Variants in PADI6 observed in about 807,000 individuals in gnomAD.
PADI6 encodes peptidyl arginine deiminase 6, also known as inactive protein-arginine deiminase type-6.
PADI6 carries 66 observed loss-of-function variants against 78.2 expected under a neutral mutation model. That is an observed-to-expected ratio of 0.84 (90% CI 0.69 to 1.04). The LOEUF (loss-of-function observed/expected upper bound fraction) is 1.04, where lower values mean the gene tolerates loss of function less well. Ranked by LOEUF, PADI6 falls within the 50% of genes least tolerant of loss-of-function variation. The pLI, the probability that PADI6 is intolerant of heterozygous loss-of-function variation, is 0.00. For missense variants in PADI6, 854 were observed against 866.1 expected (o/e 0.99, Z 0.18); for synonymous variants, 397 against 346.9 (o/e 1.14, Z -1.60).
intron 10 of PADI6, 77 bp from the exon 11 acceptor site, chr1:17,394,223 C>A: frequency 6.3e-7 from 1 of 1,578,434 alleles, no homozygotes; most frequent in South Asian, 1.1e-5. Context: ...TACCTGAGAG[C>A]CTGGATTTAG....
intron 15 of PADI6, among the ~76,000 whole-genome samples, chr1:17,399,719 C>A (rs2075282841): frequency 1.4e-5 from 2 of 145,548 alleles, no homozygotes; most frequent in Non-Finnish European, 3.0e-5. Flanking sequence ...ATAGTGAGAC[C>A]CTGCAACTTT....
In PADI6 at chr1:17,394,031, C is replaced by T. The variant is rs753200384; in HGVS notation, c.1131C>T (p.Leu377=). ...QAPHKTTSLI[L]DTPQAADLDE... is the part of the protein sequence containing the mutation. ...CCCACAAGACAACGTCCTTGATCCTCGACACACCTCAGGCCGCCGATCTCG... is the reference window on the plus strand; with the variant it reads ...CCCACAAGACAACGTCCTTGATCCTTGACACACCTCAGGCCGCCGATCTCG... Residue 377 remains leucine (L), a synonymous_variant, in exon 10 of 16, where the codon CTC becomes CTT. Transcript: ENST00000619609. 6 of 1,613,972 alleles carry T rather than the reference C, an allele frequency of 3.7e-6. No individual in the cohort carries two copies. The South Asian group carries it at 4.4e-5, about 12-fold the overall frequency.
intron 6 of PADI6, among the ~76,000 whole-genome samples, chr1:17,387,350 T>C (rs2265027): frequency 0.3 from 45,274 of 151,180 alleles, 7,071 homozygotes; most frequent in Middle Eastern, 0.41. Context: ...GAAGCTGAGG[T>C]ACAAGAATTG....
chr1:17,397,577 C>T (rs916300934), intron 14 of PADI6, among the ~76,000 whole-genome samples: 3 of 152,178 alleles, frequency 2.0e-5, no homozygotes, highest in African/African-American at 4.8e-5. Flanking sequence ...TTCCCCCAAG[C>T]TGGGAAAGCC....
chr1:17,398,212 A>G (rs2075265288), intron 14 of PADI6, among the ~76,000 whole-genome samples: 1 of 152,200 alleles, frequency 6.6e-6, no homozygotes. Context: ...CCTGTTTTGC[A>G]AGAACAGCCC....
Position 17,392,120 on chromosome 1 carries a change from G to A in PADI6, c.969G>A (p.Leu323=). 1 of 1,556,080 alleles carries A rather than the reference G, an allele frequency of 6.4e-7. No individual in the cohort carries two copies. The highest frequency in any genetic ancestry group is 8.7e-7 in the Non-Finnish European group (1 of 1,149,666). Residue 323 remains leucine, a synonymous_variant, in exon 9 of 16, where the codon CTG becomes CTA. Coordinates refer to ENST00000619609, the MANE Select transcript of PADI6 (RefSeq NM_207421.4). ...GGCTTCTCTCCCATGGCAGGGAGCT[G>A]CAGCTGCAGGGTTTTGTGGACACAG... ...VPLEVYLCRE[L]QLQGFVDTVT...
At chr1:17,376,677 C>T (rs181515608) in intron 3 of PADI6, among the ~76,000 whole-genome samples, 48 of 152,044 alleles carry the variant, frequency 3.2e-4, no homozygotes, top group African/African-American at 9.4e-4. Flanking sequence ...GGATTACAGG[C>T]GTGAGCCACT....
chr1:17,396,249 G>T (rs2075246319), intron 13 of PADI6, among the ~76,000 whole-genome samples: 1 of 152,192 alleles, frequency 6.6e-6, no homozygotes, highest in Non-Finnish European at 1.5e-5. Flanking sequence ...AGCCGGGCAT[G>T]GTGGTGCATG....
At chr1:17,399,784 T>C (rs1025790155) in intron 15 of PADI6, among the ~76,000 whole-genome samples, 1 of 151,504 alleles carries the variant, frequency 6.6e-6, no homozygotes, top group Non-Finnish European at 1.5e-5. Context: ...ATGCCCGTAA[T>C]CTCAGCACTT....
At chr1:17,386,577 CT>C (rs2075121804) in intron 6 of PADI6, among the ~76,000 whole-genome samples, 1 of 152,310 alleles carries the variant, frequency 6.6e-6, no homozygotes, top group East Asian at 1.9e-4. Context: ...GCAGGGGTTC[CT>C]GGGGGAAGAC....
At chr1:17,394,553 A>C in intron 11 of PADI6, 99 bp downstream of exon 11, 2 of 1,282,630 alleles carry the variant, frequency 1.6e-6, no homozygotes, top group Non-Finnish European at 2.1e-6. Flanking sequence ...GGTCACACAC[A>C]CTGGACCATT....
intron 8 of PADI6, 84 bp from the exon 9 acceptor site, chr1:17,392,030 T>TTC: frequency 8.6e-7 from 1 of 1,164,826 alleles, no homozygotes; most frequent in Non-Finnish European, 1.2e-6. Flanking sequence ...GAAGGATGTG[T>TTC]TCTTCCTCTC....
chr1:17,400,808 A>T (rs1033350097), intron 15 of PADI6, among the ~76,000 whole-genome samples: 2 of 152,094 alleles, frequency 1.3e-5, no homozygotes, highest in Non-Finnish European at 2.9e-5. Context: ...TGATCAGCTC[A>T]GTGTGGTCCG....
intron 6 of PADI6, among the ~76,000 whole-genome samples, chr1:17,384,340 T>C (rs901415541): frequency 2.0e-5 from 3 of 152,082 alleles, no homozygotes. Context: ...ACACCTGTAA[T>C]CCCAGCACTT....
chr1:17,394,215 C>T, intron 10 of PADI6, 85 bp from the exon 11 acceptor site: 2 of 1,570,466 alleles, frequency 1.3e-6, no homozygotes, highest in Non-Finnish European at 1.7e-6. Flanking sequence ...TGGAAGTCTA[C>T]CTGAGAGCCT....
chr1:17,372,389 T>TGGCA (rs754345368), intron 1 of PADI6, 28 bp downstream of exon 1: 17 of 1,605,634 alleles, frequency 1.1e-5, no homozygotes, highest in Middle Eastern at 1.7e-4. Flanking sequence ...CTGCCAGAGG[T>TGGCA]GGCAGGCAGA....
At chr1:17,396,241 C>T (rs557896383) in intron 13 of PADI6, among the ~76,000 whole-genome samples, 6 of 152,280 alleles carry the variant, frequency 3.9e-5, no homozygotes, top group African/African-American at 1.4e-4. Context: ...CGAAAATTAG[C>T]CGGGCATGGT....
chr1:17,385,790 G>A lies in PADI6; in HGVS notation c.680-2591G>A, dbSNP rs78675376. Among the ~76,000 whole-genome samples the A allele has an allele frequency of 4.9e-3, 739 of 152,268 alleles. 7 individuals are homozygous for A. Among genetic ancestry groups the A allele is most frequent in the African/African-American group, 0.017 (714 of 41,550 alleles). On this transcript the variant is annotated intron_variant, in intron 6 of 15. Coordinates refer to ENST00000619609, the MANE Select transcript of PADI6 (RefSeq NM_207421.4). ...ATTATCTGATGGCCAGCACTTCACA[G>A]GAACTGGGATTCTTGAGGAATAGAG...
At chr1:17,372,645 G>A (rs993350892) in intron 1 of PADI6, among the ~76,000 whole-genome samples, 8 of 152,078 alleles carry the variant, frequency 5.3e-5, no homozygotes, top group African/African-American at 1.2e-4. Flanking sequence ...CGCTGGCCTC[G>A]GGGGGCTGTG....
Sources: allele counts gnomAD v4.1 joint callset (sites outside exome capture counted in the v4.1 genomes callset), GRCh38; gene constraint gnomAD v4.1.1; transcripts MANE v1.5; gene names NCBI Gene and HGNC (gene_info 2026-07-23, HGNC 2026-07-21).